Variants in FGF12 observed in about 807,000 individuals in gnomAD.
FGF12 encodes fibroblast growth factor 12.
Under a neutral mutation model 23.6 loss-of-function variants are expected in FGF12, and 14 were observed. The observed-to-expected ratio is 0.59, with a 90% CI of 0.39 to 0.93. The LOEUF (loss-of-function observed/expected upper bound fraction) is 0.93, where lower values mean the gene tolerates loss of function less well. Ranked by LOEUF, FGF12 falls within the 40% of genes least tolerant of loss-of-function variation. The pLI is 0.00. For synonymous variants in FGF12, 62 were observed against 77.3 expected (o/e 0.80, Z 1.04); for missense variants, 175 against 217.8 (o/e 0.80, Z 1.24).
At chr3:192,446,808 C>G (rs1413386048) in intron 2 of FGF12, among the ~76,000 whole-genome samples, 1 of 152,208 alleles carries the variant, frequency 6.6e-6, no homozygotes, top group Non-Finnish European at 1.5e-5. Flanking sequence ...ACATCCAACT[C>G]TGACTCACCT....
intron 5 of FGF12, among the ~76,000 whole-genome samples, chr3:192,166,186 G>A (rs1392681147): frequency 6.6e-6 from 1 of 152,126 alleles, no homozygotes; most frequent in Non-Finnish European, 1.5e-5. Flanking sequence ...ATCATTTAAG[G>A]ATATAATGTA....
chr3:192,615,093 T>G (rs1327617063), intron 2 of FGF12, among the ~76,000 whole-genome samples: 1 of 152,014 alleles, frequency 6.6e-6, no homozygotes, highest in Admixed American at 6.6e-5. Context: ...GGGACTGAGA[T>G]GCAGAGCCCC....
chr3:192,381,460 C>T (rs976791603), intron 2 of FGF12, among the ~76,000 whole-genome samples: 1 of 152,144 alleles, frequency 6.6e-6, no homozygotes, highest in Non-Finnish European at 1.5e-5. Flanking sequence ...ATGAACAAGG[C>T]GGTATGGCTA....
chr3:192,592,760 C>T (rs1389983616), intron 2 of FGF12, among the ~76,000 whole-genome samples: 1 of 151,886 alleles, frequency 6.6e-6, no homozygotes, highest in Non-Finnish European at 1.5e-5. Context: ...AGCTTGGTAT[C>T]AAGCAAAGGG....
At chr3:192,704,068 T>C (rs1718387315) in intron 2 of FGF12, among the ~76,000 whole-genome samples, 1 of 152,228 alleles carries the variant, frequency 6.6e-6, no homozygotes. Flanking sequence ...GTTGATACTT[T>C]GGCCTACTCT....
chr3:192,198,748 G>T (rs757974518), intron 4 of FGF12, among the ~76,000 whole-genome samples: 3 of 152,194 alleles, frequency 2.0e-5, no homozygotes, highest in Non-Finnish European at 4.4e-5. Context: ...ACTAAGGAAT[G>T]TTTTGAAAAG....
At chr3:192,350,992 G>T (rs1055682592) in intron 3 of FGF12, among the ~76,000 whole-genome samples, 4 of 152,094 alleles carry the variant, frequency 2.6e-5, no homozygotes, top group Non-Finnish European at 5.9e-5. Flanking sequence ...GGCAATAGGG[G>T]TATTGAGAAT....
intron 2 of FGF12, among the ~76,000 whole-genome samples, chr3:192,493,749 C>G (rs572044082): frequency 6.6e-6 from 1 of 152,072 alleles, no homozygotes; most frequent in African/African-American, 2.4e-5. Flanking sequence ...TTTAAATAAC[C>G]AGATCTCAGG....
chr3:192,432,178 T>C (rs376512660), intron 2 of FGF12, among the ~76,000 whole-genome samples: 72 of 152,272 alleles, frequency 4.7e-4, no homozygotes, highest in African/African-American at 1.7e-3. Flanking sequence ...CTAACAAAGA[T>C]GCAAAAATGA....
intron 2 of FGF12, among the ~76,000 whole-genome samples, chr3:192,473,810 G>A (rs1338910001): frequency 6.6e-6 from 1 of 152,188 alleles, no homozygotes; most frequent in Non-Finnish European, 1.5e-5. Context: ...TGATTAAACA[G>A]AAGCCTTTAG....
chr3:192,476,643 C>G (rs11706796), intron 2 of FGF12, among the ~76,000 whole-genome samples: 38,957 of 152,130 alleles, frequency 0.26, 9,183 homozygotes, highest in African/African-American at 0.63. Context: ...GAAGCTCAAA[C>G]TTTGGGATCT....
intron 2 of FGF12, among the ~76,000 whole-genome samples, chr3:192,435,572 ATTG>A (rs1721997196): frequency 6.6e-6 from 1 of 152,132 alleles, no homozygotes; most frequent in Non-Finnish European, 1.5e-5. Flanking sequence ...CCAGAACAGC[ATTG>A]TTCGGCCAGC....
intron 2 of FGF12, among the ~76,000 whole-genome samples, chr3:192,684,462 G>A (rs1164164567): frequency 6.6e-6 from 1 of 151,950 alleles, no homozygotes; most frequent in Non-Finnish European, 1.5e-5. Flanking sequence ...GCAGCTGCCC[G>A]TTTGCTTTTT....
intron 5 of FGF12, among the ~76,000 whole-genome samples, chr3:192,145,971 G>C (rs1196272404): frequency 1.3e-5 from 2 of 152,022 alleles, no homozygotes; most frequent in Non-Finnish European, 2.9e-5. Context: ...TTTTTTATTT[G>C]TGCAAAATAC....
At chr3:192,422,413 T>A (rs1250385817) in intron 2 of FGF12, among the ~76,000 whole-genome samples, 2 of 152,102 alleles carry the variant, frequency 1.3e-5, no homozygotes, top group African/African-American at 2.4e-5. Context: ...GTAGGAAGCA[T>A]TTTCTGTCAT....
intron 2 of FGF12, among the ~76,000 whole-genome samples, chr3:192,671,789 AC>A (rs1717131882): frequency 6.6e-6 from 1 of 151,952 alleles, no homozygotes; most frequent in Non-Finnish European, 1.5e-5. Context: ...ACACACACAC[AC>A]ACACACACAC....
At chr3:192,254,848 T>C (rs926197103) in intron 4 of FGF12, among the ~76,000 whole-genome samples, 11 of 152,080 alleles carry the variant, frequency 7.2e-5, no homozygotes, top group Non-Finnish European at 4.4e-5. Flanking sequence ...GATCCTTCCT[T>C]AATATTTATT....
intron 2 of FGF12, among the ~76,000 whole-genome samples, chr3:192,488,925 A>G (rs1345365982): frequency 6.6e-6 from 1 of 152,112 alleles, no homozygotes. Context: ...ACTGCAGGTT[A>G]GAGATAGAAA....
chr3:192,699,162 T>C (rs890740852), intron 2 of FGF12, among the ~76,000 whole-genome samples: 1 of 152,182 alleles, frequency 6.6e-6, no homozygotes, highest in African/African-American at 2.4e-5. Flanking sequence ...TCCTCACCTA[T>C]CTCCAAATAC....
Sources: gnomAD v4.1 joint callset for allele counts (sites outside exome capture counted in the v4.1 genomes callset) on GRCh38, gnomAD v4.1.1 for gene constraint, MANE v1.5 for transcripts, NCBI Gene and HGNC (gene_info 2026-07-23, HGNC 2026-07-21) for gene names.